The following SORCS2 variants were observed in gnomAD, a reference collection of about 807,000 sequenced individuals.
SORCS2 encodes sortilin related VPS10 domain containing receptor 2.
SORCS2 carries 100 observed loss-of-function variants against 141.6 expected under a neutral mutation model. The observed-to-expected ratio is 0.71, with a 90% CI of 0.60 to 0.83. The LOEUF is 0.83. Ranked by LOEUF, SORCS2 falls within the 40% of genes least tolerant of loss-of-function variation. The pLI, the probability that SORCS2 is intolerant of heterozygous loss-of-function variation, is 0.00. For missense variants in SORCS2, 1,646 were observed against 1,560.2 expected, an observed-to-expected ratio of 1.05 and a Z score of -0.93; for synonymous variants, 789 against 676.9, an observed-to-expected ratio of 1.17 and a Z score of -2.57.
intron 3 of SORCS2, among the ~76,000 whole-genome samples, chr4:7,625,445 G>A (rs1719454988): frequency 1.3e-5 from 2 of 151,932 alleles, no homozygotes; most frequent in Non-Finnish European, 2.9e-5. Context: ...TGAGGACTGT[G>A]GGGGCTAGTG....
At chr4:7,348,175 C>T (rs930107550) in intron 1 of SORCS2, among the ~76,000 whole-genome samples, 1 of 152,208 alleles carries the variant, frequency 6.6e-6, no homozygotes, top group African/African-American at 2.4e-5. Context: ...GAATTTCTCC[C>T]TGGGTCAGCC....
In SORCS2 at chr4:7,311,834, T is replaced by A. The variant is rs1406871566; in HGVS notation, c.481-84454T>A. Among the ~76,000 whole-genome samples the A allele has an allele frequency of 2.6e-5, 4 of 152,186 alleles. No individual in the cohort carries two copies. The East Asian group carries it at 7.7e-4, about 29-fold the overall frequency. On this transcript the variant is annotated intron_variant, in intron 1 of 26. Transcript: ENST00000507866. Reference sequence around the variant, plus strand: ...GTGATTTGCAAATATTTTCTCCCAGTTTGTGGCTTGTCTTTTTCATTCTTT... The same window carrying A: ...GTGATTTGCAAATATTTTCTCCCAGATTGTGGCTTGTCTTTTTCATTCTTT...
At chr4:7,710,736 A>G (rs1340735466) in intron 14 of SORCS2, among the ~76,000 whole-genome samples, 1 of 152,186 alleles carries the variant, frequency 6.6e-6, no homozygotes, top group East Asian at 1.9e-4. Flanking sequence ...GCAGGCCCAC[A>G]AGATTCCTCT....
rs1479979171 is a variant in SORCS2, at chr4:7,192,787, G to A, written c.141G>A (p.Gly47=). ...TGCTGCTGCTGCTGGGCGCCTGCGG[G>A]GCGGCGGGGCGCTCCCCTGAGCCCG... ...LLLLLLLGAC[G]AAGRSPEPGR... The change falls in exon 1 of 27, where the codon GGG becomes GGA. Residue 47 remains glycine, a synonymous_variant. Coordinates refer to ENST00000507866, the MANE Select transcript of SORCS2 (RefSeq NM_020777.3). This position sits in a 1 kb window ranked among gnomAD's most constrained non-coding sequence, Gnocchi z 4.0. 3.0e-6 allele frequency: 3 copies of A among 1,013,690 alleles called. No individual in the cohort carries two copies. The South Asian group carries it at 1.3e-4, about 45-fold the overall frequency. The allele number at this position is 1,013,690 out of a possible 1,614,324, so 62.8% of individuals were successfully genotyped here. A position where few individuals can be genotyped will look rare whatever the true frequency, so the allele number is the denominator to read the frequency against.
chr4:7,691,252 G>T (rs192845311), intron 11 of SORCS2, among the ~76,000 whole-genome samples: 1 of 152,352 alleles, frequency 6.6e-6, no homozygotes, highest in Admixed American at 6.5e-5. Context: ...CTATATCGCA[G>T]CACCGAGCTG....
At position 7,220,750 on chromosome 4, in the gene SORCS2, G is replaced by T. The variant is rs1480506130; in HGVS notation, c.480+27624G>T. On this transcript the variant is annotated intron_variant, in intron 1 of 26. Coordinates refer to ENST00000507866, the MANE Select transcript of SORCS2 (RefSeq NM_020777.3). ...GGTGGCCTCTCCAGGTGCGTCCCAGGTGTGAAACATGCCACTTTCCAGCTC... is the reference window on the plus strand; with the variant it reads ...GGTGGCCTCTCCAGGTGCGTCCCAGTTGTGAAACATGCCACTTTCCAGCTC... 5.9e-5 allele frequency among the ~76,000 whole-genome samples: 9 copies of T among 152,146 alleles called. No homozygotes were observed. In the East Asian group the frequency reaches 1.7e-3, roughly 29 times the overall value.
At chr4:7,207,398 A>G (rs1727805956) in intron 1 of SORCS2, among the ~76,000 whole-genome samples, 1 of 151,870 alleles carries the variant, frequency 6.6e-6, no homozygotes, top group South Asian at 2.1e-4. Flanking sequence ...CTCTGCGTTC[A>G]CCCAGCGCCT....
At chr4:7,472,258 T>G (rs1730021901) in intron 2 of SORCS2, among the ~76,000 whole-genome samples, 1 of 152,140 alleles carries the variant, frequency 6.6e-6, no homozygotes, top group Non-Finnish European at 1.5e-5. Context: ...TGGGGCTGGC[T>G]GCACAGGGGC....
chr4:7,560,844 TAG>T (rs2109670643), intron 3 of SORCS2, among the ~76,000 whole-genome samples: 1 of 152,278 alleles, frequency 6.6e-6, no homozygotes, highest in East Asian at 1.9e-4. Flanking sequence ...CTCTGAGAGT[TAG>T]ACACTTGTTT....
intron 3 of SORCS2, among the ~76,000 whole-genome samples, chr4:7,543,062 A>G (rs1326982717): frequency 1.3e-5 from 2 of 152,228 alleles, no homozygotes; most frequent in African/African-American, 4.8e-5. Context: ...GTCAGTGGCC[A>G]GCACATGGCA....
intron 2 of SORCS2, among the ~76,000 whole-genome samples, chr4:7,469,379 G>A (rs1577615731): frequency 6.6e-6 from 1 of 152,218 alleles, no homozygotes; most frequent in Non-Finnish European, 1.5e-5. Context: ...CCGAAATTCA[G>A]TGCTTTGGGA....
In SORCS2 at chr4:7,385,913, A is replaced by G. The variant is rs528764604; in HGVS notation, c.481-10375A>G. Among the ~76,000 whole-genome samples, 10 of 152,294 alleles carry G rather than the reference A, an allele frequency of 6.6e-5. 1 individual carries two copies. In the South Asian group the frequency reaches 2.1e-3, roughly 32 times the overall value. ...TGACCGAATGCTTCCACCAGCATCT[A>G]GTCTTCCCCTTTGCTGTGTGTACCA... is the stretch of plus-strand genomic sequence containing the variant. On this transcript the variant is annotated intron_variant, in intron 1 of 26. Coordinates refer to ENST00000507866, the MANE Select transcript of SORCS2 (RefSeq NM_020777.3).
In SORCS2 at chr4:7,193,203, C is replaced by T. The variant is rs2108843150; in HGVS notation, c.480+77C>T. ...CACCCGGGCGGGACCGCCACGGCCC[C>T]CACCCCAGATCCCCACTATGGTCAT... is the stretch of plus-strand genomic sequence containing the variant. On this transcript the variant is annotated intron_variant, in intron 1 of 26. Transcript: ENST00000507866. This position sits in a 1 kb window ranked among gnomAD's most constrained non-coding sequence, Gnocchi z 4.8. The T allele has an allele frequency of 7.3e-7, 1 of 1,373,548 alleles. No individual in the cohort carries two copies. Among genetic ancestry groups the T allele is most frequent in the Non-Finnish European group, 9.4e-7 (1 of 1,066,056 alleles). The allele number at this position is 1,373,548 out of a possible 1,614,324, so 85.1% of individuals were successfully genotyped here. A position where few individuals can be genotyped will look rare whatever the true frequency, so the allele number is the denominator to read the frequency against.
At chr4:7,416,823 TGTG>T (rs762259447) in intron 2 of SORCS2, among the ~76,000 whole-genome samples, 99 of 151,052 alleles carry the variant, frequency 6.6e-4, no homozygotes, top group Non-Finnish European at 1.3e-3. Flanking sequence ...TGTACACACT[TGTG>T]AACACACACA....
chr4:7,539,429 G>A (rs1244273097), intron 3 of SORCS2, among the ~76,000 whole-genome samples: 3 of 152,182 alleles, frequency 2.0e-5, no homozygotes, highest in Non-Finnish European at 4.4e-5. Flanking sequence ...CGCTTCCTGT[G>A]GACTCTGTGT....
chr4:7,660,401 C>T (rs544054164), intron 5 of SORCS2, among the ~76,000 whole-genome samples: 63 of 152,266 alleles, frequency 4.1e-4, no homozygotes, highest in African/African-American at 1.4e-3. Flanking sequence ...CCTTGGACAC[C>T]GTAGGTTTGT....
chr4:7,370,300 GT>G (rs1560225330), intron 1 of SORCS2, among the ~76,000 whole-genome samples: 1 of 152,234 alleles, frequency 6.6e-6, no homozygotes, highest in Non-Finnish European at 1.5e-5. Flanking sequence ...CTTCTGTTTG[GT>G]TGTCTGAGCC....
intron 1 of SORCS2, among the ~76,000 whole-genome samples, chr4:7,303,017 C>T (rs1368651118): frequency 6.6e-6 from 1 of 152,190 alleles, no homozygotes; most frequent in Non-Finnish European, 1.5e-5. Flanking sequence ...CTCTGCGCCC[C>T]TGGGGTGCTG....
chr4:7,351,708 TC>T (rs113163287), intron 1 of SORCS2, among the ~76,000 whole-genome samples: 24 of 97,964 alleles, frequency 2.4e-4, no homozygotes, highest in South Asian at 1.2e-3. Context: ...CATCCATCCA[TC>T]CTTCTACCCA....
Sources: gnomAD v4.1 joint callset for allele counts (sites outside exome capture counted in the v4.1 genomes callset) on GRCh38, gnomAD v4.1.1 for gene constraint, Gnocchi (gnomAD v3.1) non-coding constraint, MANE v1.5 for transcripts, NCBI Gene and HGNC (gene_info 2026-07-23, HGNC 2026-07-21) for gene names.